The following DAB2IP variants were observed in gnomAD, a reference collection of about 807,000 sequenced individuals.
The protein encoded by DAB2IP is DAB2 interacting protein.
DAB2IP carries 28 observed loss-of-function variants against 107.2 expected under a neutral mutation model. The observed-to-expected ratio is 0.26, with a 90% CI of 0.19 to 0.36. The LOEUF (loss-of-function observed/expected upper bound fraction) is 0.36. DAB2IP is among the 10% of genes least tolerant of loss of function. The probability of loss-of-function intolerance (pLI) is 1.00; values close to 1 mark genes in which losing one functional copy is unlikely to be tolerated. For missense variants in DAB2IP, 1,400 were observed against 1,644.7 expected (o/e 0.85, Z 2.57); for synonymous variants, 755 against 706.4 (o/e 1.07, Z -1.09).
chr9:121,641,935 T>G (rs145102440), intron 1 of DAB2IP, among the ~76,000 whole-genome samples: 17,476 of 113,540 alleles, frequency 0.15, 1,606 homozygotes, highest in South Asian at 0.22. Context: ...CTTTCTTTCT[T>G]TCTCTCTTTC....
intron 2 of DAB2IP, among the ~76,000 whole-genome samples, chr9:121,680,471 A>G (rs1828526961): frequency 6.6e-6 from 1 of 152,026 alleles, no homozygotes; most frequent in African/African-American, 2.4e-5. Context: ...CATGGCCCTG[A>G]GTTTGGCCAG....
chr9:121,716,273 C>A (rs190632616), intron 3 of DAB2IP, among the ~76,000 whole-genome samples: 1 of 152,330 alleles, frequency 6.6e-6, no homozygotes, highest in East Asian at 1.9e-4. Flanking sequence ...CTCAGGAAGC[C>A]AGGCCACACT....
intron 1 of DAB2IP, among the ~76,000 whole-genome samples, chr9:121,630,008 C>T (rs935959585): frequency 9.2e-5 from 14 of 152,160 alleles, no homozygotes; most frequent in Non-Finnish European, 1.9e-4. Context: ...ATTAGAATTA[C>T]AAATGGTAAT....
At chr9:121,642,106 G>A (rs1832376861) in intron 1 of DAB2IP, among the ~76,000 whole-genome samples, 1 of 122,890 alleles carries the variant, frequency 8.1e-6, no homozygotes, top group Non-Finnish European at 1.7e-5. Flanking sequence ...TTTTTGACAG[G>A]GTCTTCCTCT....
At position 121,635,832 on chromosome 9, in the gene DAB2IP, A is replaced by G. The variant is rs1203357632; in HGVS notation, c.41-42846A>G. ...GCAGGGCCTGGCAGGCAGTCTGCCC[A>G]GGAGAGTCACATTTGTGGGACCCTG... is the stretch of plus-strand genomic sequence containing the variant. On this transcript the variant is annotated intron_variant, in intron 1 of 16. Transcript: ENST00000259371. This position sits in a 1 kb window ranked among gnomAD's most constrained non-coding sequence, Gnocchi z 4.3. 6.6e-6 allele frequency among the ~76,000 whole-genome samples: 1 copy of G among 151,866 alleles called. No individual in the cohort carries two copies. Among genetic ancestry groups the G allele is most frequent in the Non-Finnish European group, 1.5e-5 (1 of 67,980 alleles).
intron 1 of DAB2IP, among the ~76,000 whole-genome samples, chr9:121,621,165 C>A (rs1490846275): frequency 6.6e-6 from 1 of 152,124 alleles, no homozygotes; most frequent in Non-Finnish European, 1.5e-5. Flanking sequence ...CCCTCACTGC[C>A]CATTAGGGGA....
chr9:121,572,203 G>A lies in DAB2IP; in HGVS notation c.40+4975G>A, dbSNP rs567408705. Among the ~76,000 whole-genome samples, 90 of 152,210 alleles carry A rather than the reference G, an allele frequency of 5.9e-4. No individual in the cohort carries two copies. The South Asian group carries it at 0.014, about 24-fold the overall frequency. On this transcript the variant is annotated intron_variant, in intron 1 of 16. Coordinates refer to the DAB2IP transcript ENST00000259371. ...GTCCTGCTATTTCTCCACTTCGTGGGTACCGTCCTCCTACCAGGACAGCTC... is the reference window on the plus strand; with the variant it reads ...GTCCTGCTATTTCTCCACTTCGTGGATACCGTCCTCCTACCAGGACAGCTC...
intron 1 of DAB2IP, among the ~76,000 whole-genome samples, chr9:121,596,695 G>A (rs2118941893): frequency 6.6e-6 from 1 of 152,184 alleles, no homozygotes; most frequent in African/African-American, 2.4e-5. Flanking sequence ...TGATAGGGAT[G>A]GAGGCTGTTT....
intron 1 of DAB2IP, among the ~76,000 whole-genome samples, chr9:121,596,228 G>C (rs1218484709): frequency 6.6e-6 from 1 of 152,188 alleles, no homozygotes; most frequent in Non-Finnish European, 1.5e-5. Context: ...CTACTCGGGA[G>C]ACTGAGACAG....
rs536210389 is a variant in DAB2IP, at chr9:121,773,128, C to T, written c.2600C>T (p.Ala867Val). The T allele has an allele frequency of 3.7e-6, 6 of 1,611,284 alleles. No individual in the cohort carries two copies. In the South Asian group the frequency reaches 4.4e-5, roughly 12 times the overall value. Reference sequence around the variant, plus strand: ...TCACACAGCAACAGCGAGGAGTTGGCGGCTGCTGCCAAGCTGGGAAGTTTC... The same window carrying T: ...TCACACAGCAACAGCGAGGAGTTGGTGGCTGCTGCCAAGCTGGGAAGTTTC... The change falls in exon 12 of 16, where the codon GCG becomes GTG. Residue 867 changes from alanine (A) to valine (V), a missense_variant. Physicochemically the swap from Ala to Val is moderately conservative, Grantham distance 64. Around this residue, in one of 3 missense-constraint regions of DAB2IP, gnomAD observed 600 missense variants for 659.1 expected, o/e 0.91. Transcript: ENST00000408936.
At chr9:121,705,280 C>T (rs1830002495) in intron 3 of DAB2IP, among the ~76,000 whole-genome samples, 1 of 152,172 alleles carries the variant, frequency 6.6e-6, no homozygotes, top group South Asian at 2.1e-4. Context: ...CAAGTGTGCA[C>T]CTGTCCTCAT....
At chr9:121,674,552 G>A (rs1424782266) in intron 1 of DAB2IP, among the ~76,000 whole-genome samples, 2 of 152,184 alleles carry the variant, frequency 1.3e-5, no homozygotes, top group Non-Finnish European at 2.9e-5. Flanking sequence ...GTGGAGGGGT[G>A]TAGCCAGGGC....
chr9:121,775,316 C>T (rs1284814817), intron 13 of DAB2IP, among the ~76,000 whole-genome samples: 3 of 152,186 alleles, frequency 2.0e-5, no homozygotes, highest in Non-Finnish European at 2.9e-5. Flanking sequence ...AGGCGAGGCC[C>T]GTCTCCATGC....
chr9:121,590,526 AG>A (rs1481904084), intron 1 of DAB2IP, among the ~76,000 whole-genome samples: 5 of 152,136 alleles, frequency 3.3e-5, no homozygotes, highest in Admixed American at 1.3e-4. Flanking sequence ...ATCTTGTGCA[AG>A]TTGCTTAAAA....
At chr9:121,577,537 C>T (rs1460900750) in intron 1 of DAB2IP, among the ~76,000 whole-genome samples, 1 of 152,228 alleles carries the variant, frequency 6.6e-6, no homozygotes, top group African/African-American at 2.4e-5. Flanking sequence ...GGGGGGCCCA[C>T]ACTCCTGCTC....
Position 121,772,823 on chromosome 9 carries a change from G to T in DAB2IP, c.2295G>T (p.Ala765=). ...TGGATGGGGAGGCAGGCTCCCCGGC[G>T]GGCCCCGACGTCCTCCCCACAGATG... The change falls in exon 12 of 16, where the codon GCG becomes GCT. Residue 765 remains alanine, a synonymous_variant. Transcript: ENST00000408936. The surrounding 1 kb of genome is among the most constrained non-coding windows in gnomAD (Gnocchi z 4.7). 6.2e-7 allele frequency: 1 copy of T among 1,605,286 alleles called. No individual in the cohort carries two copies. Among genetic ancestry groups the T allele is most frequent in the Non-Finnish European group, 8.5e-7 (1 of 1,177,416 alleles).
intron 3 of DAB2IP, among the ~76,000 whole-genome samples, chr9:121,725,039 A>G (rs1009332367): frequency 6.6e-6 from 1 of 152,174 alleles, no homozygotes; most frequent in Non-Finnish European, 1.5e-5. Flanking sequence ...CCACTCCCAA[A>G]GACCAGCCGC....
intron 3 of DAB2IP, among the ~76,000 whole-genome samples, chr9:121,746,667 G>A (rs920869067): frequency 1.3e-5 from 2 of 152,214 alleles, no homozygotes; most frequent in Non-Finnish European, 2.9e-5. Context: ...TCTAGGGGGG[G>A]CCCAGCATGA....
At chr9:121,771,906 CT>C (rs1051590921) in intron 11 of DAB2IP, among the ~76,000 whole-genome samples, 1 of 152,224 alleles carries the variant, frequency 6.6e-6, no homozygotes, top group African/African-American at 2.4e-5. Context: ...CAAAGCCCCC[CT>C]GGACCCCGCC....
Sources: allele counts gnomAD v4.1 joint callset (sites outside exome capture counted in the v4.1 genomes callset), GRCh38; gene constraint gnomAD v4.1.1; regional missense constraint gnomAD v4.1.1; non-coding constraint Gnocchi (gnomAD v3.1); transcripts MANE v1.5; gene names NCBI Gene and HGNC (gene_info 2026-07-23, HGNC 2026-07-21).